Variants in ANKFN1 observed in about 807,000 individuals in gnomAD.
ANKFN1 encodes ankyrin repeat and fibronectin type III domain containing 1.
Under a neutral mutation model 108.7 loss-of-function variants are expected in ANKFN1, and 74 were observed. The ratio of observed to expected loss-of-function variants is 0.68; its 90% CI spans 0.56 to 0.83. The LOEUF (loss-of-function observed/expected upper bound fraction) is 0.83. ANKFN1 is among the 40% of genes least tolerant of loss of function. ANKFN1 has a pLI of 0.00. For synonymous variants in ANKFN1, 547 were observed against 516.2 expected, an observed-to-expected ratio of 1.06 and a Z score of -0.81; for missense variants, 1,505 against 1,382.3, an observed-to-expected ratio of 1.09 and a Z score of -1.41.
At chr17:56,480,230 T>C (rs2165759) in intron 16 of ANKFN1, among the ~76,000 whole-genome samples, 18,168 of 151,984 alleles carry the variant, frequency 0.12, 1,642 homozygotes, top group African/African-American at 0.25. Flanking sequence ...CAGGCCAGGG[T>C]TGAAATGTGC....
At chr17:56,244,977 A>G (rs1917853324) in intron 3 of ANKFN1, among the ~76,000 whole-genome samples, 1 of 152,160 alleles carries the variant, frequency 6.6e-6, no homozygotes, top group Non-Finnish European at 1.5e-5. Context: ...AGAGGCTTTC[A>G]ATAATATTGA....
chr17:56,388,274 G>C (rs1315123293), intron 8 of ANKFN1, among the ~76,000 whole-genome samples: 1 of 151,950 alleles, frequency 6.6e-6, no homozygotes, highest in Non-Finnish European at 1.5e-5. Context: ...AGCCTCCCGA[G>C]TAGCTGAGAC....
chr17:56,175,633 A>C (rs1567818433), intron 1 of ANKFN1, among the ~76,000 whole-genome samples: 1 of 152,156 alleles, frequency 6.6e-6, no homozygotes, highest in Non-Finnish European at 1.5e-5. Context: ...ACTGGATAAA[A>C]TGCCTTGTCA....
At chr17:56,295,214 A>G (rs960247811) in intron 3 of ANKFN1, among the ~76,000 whole-genome samples, 2 of 152,194 alleles carry the variant, frequency 1.3e-5, no homozygotes, top group Non-Finnish European at 2.9e-5. Context: ...AGTGGGCCCA[A>G]TTCTTGAGAC....
chr17:56,153,734 T>A, intron 1 of ANKFN1: 1 of 661,456 alleles, frequency 1.5e-6, no homozygotes, highest in South Asian at 1.9e-5. Flanking sequence ...CTGTAATGTG[T>A]GTCTTTGTCT....
At chr17:56,391,661 C>T (rs769258973) in intron 8 of ANKFN1, among the ~76,000 whole-genome samples, 21 of 152,048 alleles carry the variant, frequency 1.4e-4, no homozygotes, top group Non-Finnish European at 2.2e-4. Context: ...CTCCTGACCT[C>T]GTGATCCACC....
chr17:56,495,313 G>GTCTCTCTCTCTCTCTC lies in ANKFN1; in HGVS notation c.2427+2969_2427+2984dup, dbSNP rs150627971. On this transcript the variant is annotated intron_variant, in intron 19 of 20. Transcript: ENST00000682825. ...TCTCTCCCTTTATGTTGACTTTGTG[G>GTCTCTCTCTCTCTCTC]TCTCTCTCTCTCTCTCTCTCTCTCA... is the stretch of plus-strand genomic sequence containing the variant. 5.6e-3 allele frequency among the ~76,000 whole-genome samples: 832 copies of GTCTCTCTCTCTCTCTC among 147,346 alleles called. 1 individual carries two copies. Among genetic ancestry groups the GTCTCTCTCTCTCTCTC allele is most frequent in the Non-Finnish European group, 8.3e-3 (550 of 66,602 alleles).
rs1555607722 is a variant in ANKFN1, at chr17:56,189,170, C to CATTTTTTTTTT, written c.-70-23428_-70-23427insATTTTTTTTTT. Among the ~76,000 whole-genome samples the CATTTTTTTTTT allele has an allele frequency of 3.0e-3, 256 of 85,232 alleles. 11 individuals carry two copies. The highest frequency in any genetic ancestry group is 0.014 in the African/African-American group (202 of 14,738). 55.9% of individuals were successfully genotyped at this position (85,232 alleles called of 152,430 possible). On this transcript the variant is annotated intron_variant, in intron 1 of 20. Coordinates refer to ENST00000682825, the MANE Select transcript of ANKFN1 (RefSeq NM_001370326.1). ...CCTAAGTAAGTAAATGTTGCCCTGA[C>CATTTTTTTTTT]TTTTTTTTTTTTTTTTTTGAGACGG...
At chr17:56,160,714 A>G (rs1162574594) in intron 1 of ANKFN1, among the ~76,000 whole-genome samples, 2 of 152,238 alleles carry the variant, frequency 1.3e-5, no homozygotes, top group South Asian at 2.1e-4. Flanking sequence ...AATGGTAAGT[A>G]TGAAATCCCA....
chr17:56,248,776 A>G (rs964041978), intron 3 of ANKFN1, among the ~76,000 whole-genome samples: 1 of 152,204 alleles, frequency 6.6e-6, no homozygotes, highest in African/African-American at 2.4e-5. Flanking sequence ...AACACTTGTC[A>G]TGGTTTCCCC....
intron 4 of ANKFN1, among the ~76,000 whole-genome samples, chr17:56,343,181 C>A (rs542179299): frequency 6.6e-6 from 1 of 151,716 alleles, no homozygotes; most frequent in Non-Finnish European, 1.5e-5. Context: ...TATTTTGAGT[C>A]TATATGTGTC....
intron 8 of ANKFN1, among the ~76,000 whole-genome samples, chr17:56,403,995 T>C (rs1403642008): frequency 6.6e-6 from 1 of 152,146 alleles, no homozygotes; most frequent in Non-Finnish European, 1.5e-5. Context: ...ATAGGGCCCC[T>C]ATTCCTTCTG....
intron 10 of ANKFN1, 62 bp from the exon 11 acceptor site, chr17:56,449,017 G>C: frequency 6.9e-7 from 1 of 1,450,498 alleles, no homozygotes. Flanking sequence ...TCCTGACGCA[G>C]GGCAAGGAAG....
At position 56,512,842 on chromosome 17, in the gene ANKFN1, T is replaced by G. The variant is rs1368618133; in HGVS notation, c.*1573T>G. ...TACAGATTTGGCCCATGGCCTATGG[T>G]CATTAGAAAACTAAAGCCCAGAGCT... On this transcript the variant is annotated 3_prime_UTR_variant, in exon 21 of 21. Transcript: ENST00000682825. Among the ~76,000 whole-genome samples, 1 of 152,232 alleles carries G rather than the reference T, an allele frequency of 6.6e-6. No individual in the cohort carries two copies. The highest frequency in any genetic ancestry group is 1.5e-5 in the Non-Finnish European group (1 of 68,044).
At position 56,218,547 on chromosome 17, in the gene ANKFN1, G is replaced by C. The variant is rs113760972; in HGVS notation, c.12+5868G>C. Reference sequence around the variant, plus strand: ...TACTTCAGCACATGCCCTGTCTCGGGGACTTCACACATGTTGTTTTCAGCA... The same window carrying C: ...TACTTCAGCACATGCCCTGTCTCGGCGACTTCACACATGTTGTTTTCAGCA... On this transcript the variant is annotated intron_variant, in intron 2 of 20. Coordinates refer to ENST00000682825, the MANE Select transcript of ANKFN1 (RefSeq NM_001370326.1). Among the ~76,000 whole-genome samples, 270 of 151,812 alleles carry C rather than the reference G, an allele frequency of 1.8e-3. 1 individual carries two copies. The highest frequency in any genetic ancestry group is 6.2e-3 in the African/African-American group (255 of 41,408).
intron 8 of ANKFN1, among the ~76,000 whole-genome samples, chr17:56,438,596 T>C (rs1040040970): frequency 1.3e-5 from 2 of 152,190 alleles, no homozygotes; most frequent in African/African-American, 4.8e-5. Context: ...GATCACACTC[T>C]GTGGCCCAGG....
intron 13 of ANKFN1, 54 bp from the exon 14 acceptor site, chr17:56,457,809 C>A: frequency 7.2e-7 from 1 of 1,381,810 alleles, no homozygotes; most frequent in Non-Finnish European, 1.0e-6. Flanking sequence ...GATGCCACAA[C>A]CTAAATCATG....
At chr17:56,264,929 C>T (rs974107235) in intron 3 of ANKFN1, among the ~76,000 whole-genome samples, 1 of 152,044 alleles carries the variant, frequency 6.6e-6, no homozygotes, top group Non-Finnish European at 1.5e-5. Context: ...ATTACCCTTC[C>T]CCAGCCCTCT....
At chr17:56,447,725 A>G (rs2049345594) in intron 10 of ANKFN1, among the ~76,000 whole-genome samples, 1 of 152,232 alleles carries the variant, frequency 6.6e-6, no homozygotes, top group Admixed American at 6.5e-5. Context: ...CAGAATGCCT[A>G]TCATGTAATA....
Sources: allele counts gnomAD v4.1 joint callset (sites outside exome capture counted in the v4.1 genomes callset), GRCh38; gene constraint gnomAD v4.1.1; transcripts MANE v1.5; gene names NCBI Gene and HGNC (gene_info 2026-07-23, HGNC 2026-07-21).